The following TMEM229B variants were observed in gnomAD, a reference collection of about 807,000 sequenced individuals.
The protein encoded by TMEM229B is chromosome 14 open reading frame 83.
In TMEM229B, 6 loss-of-function variants were observed where a neutral mutation model predicts 13.7. The observed-to-expected ratio is 0.44, with a 90% CI of 0.24 to 0.86. The LOEUF is 0.86. Ranked by LOEUF, TMEM229B falls within the 40% of genes least tolerant of loss-of-function variation. TMEM229B has a pLI of 0.23. For synonymous variants in TMEM229B, 107 were observed against 102.1 expected (o/e 1.05, Z -0.29); for missense variants, 170 against 236.0 (o/e 0.72, Z 1.83).
chr14:67,517,647 A>G (rs778222794), upstream of TMEM229B, among the ~76,000 whole-genome samples: 37 of 152,192 alleles, frequency 2.4e-4, no homozygotes, highest in Admixed American at 4.6e-4. Flanking sequence ...AGTGAACTTA[A>G]CTCCATGACC....
chr14:67,510,834 C>T (rs115367633), intron 1 of TMEM229B, among the ~76,000 whole-genome samples: 2 of 152,252 alleles, frequency 1.3e-5, no homozygotes, highest in African/African-American at 2.4e-5. Context: ...AAGTCCCTGT[C>T]GGTGCTCTGA....
At chr14:67,490,397 G>A (rs2140142840), upstream of TMEM229B, among the ~76,000 whole-genome samples, 1 of 152,324 alleles carries the variant, frequency 6.6e-6, no homozygotes. Context: ...ACTGGGGCAG[G>A]AACAGACTGT....
chr14:67,480,673 G>T (rs905336589), intron 2 of TMEM229B, among the ~76,000 whole-genome samples: 5 of 152,138 alleles, frequency 3.3e-5, no homozygotes, highest in Middle Eastern at 3.2e-3. Context: ...TATCCCCCTG[G>T]CTCTTCCAAC....
rs548385514 is a variant in TMEM229B, at chr14:67,479,429, T to C, written c.-18-5488A>G. Among the ~76,000 whole-genome samples, 119 of 146,702 alleles carry C rather than the reference T, an allele frequency of 8.1e-4. 1 individual carries two copies. Among genetic ancestry groups the C allele is most frequent in the Middle Eastern group, 7.6e-3 (2 of 262 alleles). ...CTGTCTCAAAAAAAAAAAAAAATGC[T>C]TGTGGAAGCTGGGTGCAGTAGCTCA... On this transcript the variant is annotated intron_variant, in intron 2 of 2. Transcript: ENST00000554480.
At chr14:67,480,332 C>T (rs1221011209) in intron 2 of TMEM229B, among the ~76,000 whole-genome samples, 4 of 152,124 alleles carry the variant, frequency 2.6e-5, no homozygotes, top group African/African-American at 9.7e-5. Flanking sequence ...GCAATAATAA[C>T]CCCACATATG....
intron 1 of TMEM229B, among the ~76,000 whole-genome samples, chr14:67,498,604 G>T (rs1025222149): frequency 2.6e-5 from 4 of 152,204 alleles, no homozygotes; most frequent in African/African-American, 9.6e-5. Context: ...ACGAAGGAAT[G>T]AGCAGAATTA....
intron 1 of TMEM229B, among the ~76,000 whole-genome samples, chr14:67,530,380 C>G (rs193126843): frequency 2.0e-5 from 3 of 152,308 alleles, no homozygotes; most frequent in African/African-American, 7.2e-5. Flanking sequence ...TTAAACTGAG[C>G]TCTGGCCAGT....
At chr14:67,506,218 T>A (rs2032820430) in intron 1 of TMEM229B, among the ~76,000 whole-genome samples, 1 of 152,172 alleles carries the variant, frequency 6.6e-6, no homozygotes, top group African/African-American at 2.4e-5. Context: ...GGACTCTGCT[T>A]CATAAAGCGG....
At chr14:67,475,186 A>G (rs2031105990) in intron 2 of TMEM229B, among the ~76,000 whole-genome samples, 1 of 152,202 alleles carries the variant, frequency 6.6e-6, no homozygotes. Flanking sequence ...AAGTGCTAGG[A>G]TTACAGGCGT....
chr14:67,508,753 C>CAAAAAAAAAATAAAAGAA (rs2032920422), intron 1 of TMEM229B, among the ~76,000 whole-genome samples: 1 of 46,714 alleles, frequency 2.1e-5, no homozygotes, highest in African/African-American at 6.6e-5. Flanking sequence ...AACCTTGTCT[C>CAAAAAAAAAATAAAAGAA]AAAAAAAAAA....
upstream of TMEM229B, among the ~76,000 whole-genome samples, chr14:67,520,112 C>T (rs1213244527): frequency 6.6e-6 from 1 of 152,204 alleles, no homozygotes; most frequent in Non-Finnish European, 1.5e-5. Context: ...TCCACACATG[C>T]ATAGACTTCC....
intron 2 of TMEM229B, among the ~76,000 whole-genome samples, chr14:67,479,996 C>G (rs547934875): frequency 6.6e-6 from 1 of 152,166 alleles, no homozygotes; most frequent in African/African-American, 2.4e-5. Context: ...ACCTAATGGA[C>G]GCTGCCCAAC....
intron 1 of TMEM229B, among the ~76,000 whole-genome samples, chr14:67,497,092 TTCTC>T (rs201712501): frequency 1.3e-5 from 2 of 149,850 alleles, no homozygotes; most frequent in African/African-American, 2.5e-5. Flanking sequence ...GTGCCTTTCT[TTCTC>T]TCTCTCTCTT....
At chr14:67,518,968 CAGA>C (rs1408880853), upstream of TMEM229B, among the ~76,000 whole-genome samples, 3 of 152,112 alleles carry the variant, frequency 2.0e-5, no homozygotes, top group African/African-American at 2.4e-5. Context: ...GAGGTAGAAG[CAGA>C]AGAAGCATTG....
upstream of TMEM229B, among the ~76,000 whole-genome samples, chr14:67,517,250 C>T (rs990559405): frequency 1.3e-5 from 2 of 152,192 alleles, no homozygotes; most frequent in African/African-American, 4.8e-5. Context: ...TAATCTCCTT[C>T]TCTAGCTGTG....
chr14:67,512,730 C>T lies in TMEM229B; in HGVS notation c.-192+2356G>A, dbSNP rs373173051. Among the ~76,000 whole-genome samples, 107 of 152,230 alleles carry T rather than the reference C, an allele frequency of 7.0e-4. 3 individuals carry two copies. In the South Asian group the frequency reaches 0.021, roughly 30 times the overall value. ...CCCCAACATCATCGGAGACCCTCCT[C>T]AGAAACTGGAAGGTGACAGTCACTA... On this transcript the variant is annotated intron_variant, in intron 1 of 2. Coordinates refer to the TMEM229B transcript ENST00000357461.
At chr14:67,523,181 G>A (rs143536292) in intron 1 of TMEM229B, among the ~76,000 whole-genome samples, 1 of 152,218 alleles carries the variant, frequency 6.6e-6, no homozygotes, top group East Asian at 1.9e-4. Context: ...AAATTAGCTG[G>A]GTGTGGTGGC....
chr14:67,486,833 G>A (rs2031909442), intron 2 of TMEM229B, among the ~76,000 whole-genome samples, 167 bp downstream of exon 2: 3 of 152,198 alleles, frequency 2.0e-5, no homozygotes, highest in African/African-American at 4.8e-5. Flanking sequence ...TCCCGCATGT[G>A]ATGGCCCAAT....
chr14:67,486,245 A>T (rs4902472), intron 2 of TMEM229B, among the ~76,000 whole-genome samples: 10 of 152,096 alleles, frequency 6.6e-5, no homozygotes, highest in Non-Finnish European at 1.3e-4. Flanking sequence ...TTCTTGTGAT[A>T]GTGAATAAAT....
Sources: allele counts gnomAD v4.1 joint callset (sites outside exome capture counted in the v4.1 genomes callset), GRCh38; gene constraint gnomAD v4.1.1; transcripts MANE v1.5; gene names NCBI Gene and HGNC (gene_info 2026-07-23, HGNC 2026-07-21).